Variants in CC2D2B observed in about 807,000 individuals in gnomAD.
CC2D2B encodes coiled-coil and C2 domain containing 2B.
In CC2D2B, 128 loss-of-function variants were observed where a neutral mutation model predicts 161.2. The ratio of observed to expected loss-of-function variants is 0.79; its 90% confidence interval spans 0.69 to 0.92. The LOEUF (loss-of-function observed/expected upper bound fraction) is 0.92. Ranked by LOEUF, CC2D2B falls within the 40% of genes least tolerant of loss-of-function variation. The probability of loss-of-function intolerance (pLI) is 0.00; values close to 1 mark genes in which losing one functional copy is unlikely to be tolerated. For missense variants in CC2D2B, 1,173 were observed against 1,375.1 expected (o/e 0.85, Z 2.32); for synonymous variants, 391 against 449.8 (o/e 0.87, Z 1.65).
intron 16 of CC2D2B, 96 bp from the exon 17 acceptor site, chr10:95,973,913 C>A: frequency 1.9e-6 from 1 of 537,000 alleles, no homozygotes; most frequent in Non-Finnish European, 2.8e-6. Flanking sequence ...CCTTTGTGTT[C>A]CTAGAGTTCC....
intron 17 of CC2D2B, among the ~76,000 whole-genome samples, chr10:95,979,474 G>T (rs560067644): frequency 6.6e-6 from 1 of 151,944 alleles, no homozygotes; most frequent in African/African-American, 2.4e-5. Context: ...TTTTTTTAAA[G>T]GTCTCTTTAT....
intron 25 of CC2D2B, among the ~76,000 whole-genome samples, chr10:96,004,927 G>A (rs937677005): frequency 6.6e-6 from 1 of 152,198 alleles, no homozygotes; most frequent in Non-Finnish European, 1.5e-5. Context: ...CAGAGAAGTT[G>A]AACAAGACCT....
intron 9 of CC2D2B, among the ~76,000 whole-genome samples, chr10:95,941,669 T>TAAAAA (rs200803292): frequency 1.3e-5 from 2 of 149,920 alleles, no homozygotes; most frequent in Non-Finnish European, 3.0e-5. Flanking sequence ...GGTCATTATT[T>TAAAAA]AAAAAAAAAA....
chr10:95,955,582 T>C (rs1182021909), intron 11 of CC2D2B, 91 bp downstream of exon 11: 1 of 394,918 alleles, frequency 2.5e-6, no homozygotes, highest in Non-Finnish European at 4.5e-6. Flanking sequence ...TAAAGAAAAG[T>C]ACACAATCCT....
chr10:96,028,832 A>G (rs1348851596), intron 34 of CC2D2B, among the ~76,000 whole-genome samples: 1 of 152,164 alleles, frequency 6.6e-6, no homozygotes, highest in Non-Finnish European at 1.5e-5. Flanking sequence ...ATCAACATGG[A>G]TGGAACTGGA....
chr10:95,909,665 A>G (rs1361022780), intron 1 of CC2D2B, among the ~76,000 whole-genome samples: 3 of 152,242 alleles, frequency 2.0e-5, no homozygotes, highest in Non-Finnish European at 4.4e-5. Flanking sequence ...ATATGTTACT[A>G]TATACTAAGA....
At chr10:95,944,498 T>G (rs192516580) in intron 9 of CC2D2B, among the ~76,000 whole-genome samples, 1 of 152,330 alleles carries the variant, frequency 6.6e-6, no homozygotes, top group East Asian at 1.9e-4. Flanking sequence ...ATAGTGACAA[T>G]GCATTTTATC....
At chr10:95,938,419 C>A (rs896583908) in intron 7 of CC2D2B, 150 bp from the exon 8 acceptor site, 14 of 592,154 alleles carry the variant, frequency 2.4e-5, no homozygotes, top group Admixed American at 1.3e-4. Context: ...AGAGAGAGAG[C>A]GAGCGAGAAA....
intron 6 of CC2D2B, among the ~76,000 whole-genome samples, chr10:95,931,900 G>C (rs990126396): frequency 3.3e-5 from 5 of 152,162 alleles, no homozygotes; most frequent in Admixed American, 1.3e-4. Flanking sequence ...AGGTCCACTT[G>C]GTCCAGAGCT....
At chr10:95,990,611 C>T (rs753838948) in intron 20 of CC2D2B, among the ~76,000 whole-genome samples, 20 of 152,052 alleles carry the variant, frequency 1.3e-4, no homozygotes, top group Non-Finnish European at 2.9e-4. Flanking sequence ...ATGTTTTTCC[C>T]ATTCATCTCT....
chr10:95,987,335 T>A (rs1455123642), intron 19 of CC2D2B, among the ~76,000 whole-genome samples: 8 of 151,490 alleles, frequency 5.3e-5, no homozygotes, highest in South Asian at 2.1e-4. Context: ...AAAAAAAAAA[T>A]GTAAATAACG....
chr10:96,008,168 C>CTTTTTTTTTTTTTTTTTTTTTT (rs56354333), intron 25 of CC2D2B, among the ~76,000 whole-genome samples: 1 of 130,394 alleles, frequency 7.7e-6, no homozygotes, highest in Non-Finnish European at 1.6e-5. Context: ...GGTATGTGTT[C>CTTTTTTTTTTTTTTTTTTTTTT]TTTTTTTTTT....
At chr10:95,915,562 C>T (rs4325250) in intron 2 of CC2D2B, among the ~76,000 whole-genome samples, 45,422 of 151,908 alleles carry the variant, frequency 0.3, 7,412 homozygotes, top group Admixed American at 0.41. Context: ...GCTTTTAGTG[C>T]GTTGGGGTAT....
At chr10:95,998,782 T>A (rs1266866907) in intron 24 of CC2D2B, among the ~76,000 whole-genome samples, 1 of 152,208 alleles carries the variant, frequency 6.6e-6, no homozygotes, top group Non-Finnish European at 1.5e-5. Flanking sequence ...GAGGGTTATC[T>A]GCTTTACTCA....
Position 96,032,305 on chromosome 10 carries a change from C to T in CC2D2B, c.*297C>T, listed in dbSNP as rs1387083263. 2 of 288,078 alleles carry T rather than the reference C, an allele frequency of 6.9e-6. No individual in the cohort carries two copies. Among genetic ancestry groups the T allele is most frequent in the Admixed American group, 9.2e-5 (2 of 21,820 alleles). The allele number at this position is 288,078 out of a possible 1,614,324, so 17.8% of individuals were successfully genotyped here. On this transcript the variant is annotated 3_prime_UTR_variant, in exon 35 of 35. Transcript: ENST00000646931. Reference sequence around the variant, plus strand: ...ATTCTGGGAAAGAAGCAATTTTGGCCTCTTCTCCTAAGACCAATGTTTCTC... The same window carrying T: ...ATTCTGGGAAAGAAGCAATTTTGGCTTCTTCTCCTAAGACCAATGTTTCTC...
chr10:95,996,080 C>T (rs2078220387), intron 23 of CC2D2B, 63 bp from the exon 24 acceptor site: 2 of 678,222 alleles, frequency 2.9e-6, no homozygotes, highest in East Asian at 6.2e-5. Flanking sequence ...TTTCCTAGGC[C>T]TCTACCTTTA....
chr10:95,985,932 A>T (rs369425297), intron 19 of CC2D2B, among the ~76,000 whole-genome samples: 1 of 152,156 alleles, frequency 6.6e-6, no homozygotes, highest in Non-Finnish European at 1.5e-5. Context: ...TTATTAGGAC[A>T]AGGAAATTCC....
chr10:95,980,417 G>T (rs980602934), intron 17 of CC2D2B, among the ~76,000 whole-genome samples: 6 of 147,026 alleles, frequency 4.1e-5, no homozygotes, highest in Non-Finnish European at 8.8e-5. Context: ...TTTGTTGTTT[G>T]TTGTTGTTGT....
rs749151504 is a variant in CC2D2B at position 96,019,218 on chromosome 10, G to A, written c.3646G>A (p.Val1216Ile). 3.1e-6 allele frequency: 5 copies of A among 1,606,186 alleles called. No individual in the cohort carries two copies. In the South Asian group the frequency reaches 5.6e-5, roughly 18 times the overall value. Residue 1216 changes from valine (V) to isoleucine (I), a missense_variant, in exon 31 of 35, where the codon GTA becomes ATA. Physicochemically the swap from Val to Ile is conservative, Grantham distance 29. This residue lies in a region of CC2D2B where 598 missense variants were observed against 693.2 expected (regional missense o/e 0.86). Coordinates refer to ENST00000646931, the MANE Select transcript of CC2D2B (RefSeq NM_001349008.3). ...TSVLEGHVAY[V>I]VTQETNEYLL... ...TCTCATACAGGGGCATGTGGCTTAT[G>A]TAGTAACTCAAGAAACTAATGAATA...
Sources: allele counts gnomAD v4.1 joint callset (sites outside exome capture counted in the v4.1 genomes callset), GRCh38; gene constraint gnomAD v4.1.1; regional missense constraint gnomAD v4.1.1; transcripts MANE v1.5; gene names NCBI Gene and HGNC (gene_info 2026-07-23, HGNC 2026-07-21).